Variants in SPON1 observed in about 807,000 individuals in gnomAD.
The protein encoded by SPON1 is spondin 1.
Under a neutral mutation model 111.7 loss-of-function variants are expected in SPON1, and 52 were observed. The observed-to-expected ratio is 0.47, with a 90% CI of 0.37 to 0.59. The LOEUF is 0.59. SPON1 is among the 20% of genes least tolerant of loss of function. The probability of loss-of-function intolerance (pLI) is 0.00; values close to 1 mark genes in which losing one functional copy is unlikely to be tolerated. For synonymous variants in SPON1, 410 were observed against 395.8 expected, an observed-to-expected ratio of 1.04 and a Z score of -0.43; for missense variants, 957 against 1,068.5, an observed-to-expected ratio of 0.90 and a Z score of 1.46.
At chr11:14,055,250 T>C (rs1171797984) in intron 3 of SPON1, among the ~76,000 whole-genome samples, 2 of 152,186 alleles carry the variant, frequency 1.3e-5, no homozygotes, top group Non-Finnish European at 2.9e-5. Flanking sequence ...GCCTTCTTCA[T>C]CAGTCAACAT....
At chr11:14,187,198 C>T (rs1229645997) in intron 6 of SPON1, among the ~76,000 whole-genome samples, 16 of 152,158 alleles carry the variant, frequency 1.1e-4, no homozygotes, top group African/African-American at 3.9e-4. Flanking sequence ...GGTGAGAACT[C>T]ACTCATTACC....
chr11:14,077,794 C>T (rs1441343280), intron 4 of SPON1, among the ~76,000 whole-genome samples: 1 of 149,070 alleles, frequency 6.7e-6, no homozygotes, highest in African/African-American at 2.5e-5. Flanking sequence ...CCTGCATACA[C>T]ATACTTTAAT....
intron 3 of SPON1, among the ~76,000 whole-genome samples, chr11:14,067,458 G>A (rs1848841579): frequency 6.6e-6 from 1 of 152,334 alleles, no homozygotes; most frequent in East Asian, 1.9e-4. Context: ...GCTAAATGAT[G>A]TCAAGGCCAG....
chr11:14,179,670 C>T (rs1848217545), intron 6 of SPON1, among the ~76,000 whole-genome samples: 1 of 152,090 alleles, frequency 6.6e-6, no homozygotes, highest in African/African-American at 2.4e-5. Context: ...TTAACATTCT[C>T]CTATGTTATT....
chr11:13,981,313 G>C (rs535209464), intron 1 of SPON1, among the ~76,000 whole-genome samples: 2 of 152,222 alleles, frequency 1.3e-5, no homozygotes, highest in African/African-American at 4.8e-5. Flanking sequence ...CCTTGAGCTA[G>C]ATTTTTTTTG....
chr11:14,166,190 A>G (rs1183830980), intron 6 of SPON1, among the ~76,000 whole-genome samples: 5 of 152,238 alleles, frequency 3.3e-5, no homozygotes, highest in African/African-American at 1.2e-4. Context: ...AAGCCTTGGT[A>G]AAATAACCAG....
At chr11:14,171,072 C>T (rs1338501286) in intron 6 of SPON1, among the ~76,000 whole-genome samples, 3 of 152,190 alleles carry the variant, frequency 2.0e-5, no homozygotes, top group African/African-American at 7.2e-5. Flanking sequence ...AGGAATGGTA[C>T]CAGCTCCTCC....
At chr11:14,091,700 C>G (rs1554923413) in intron 5 of SPON1, among the ~76,000 whole-genome samples, 1 of 152,096 alleles carries the variant, frequency 6.6e-6, no homozygotes, top group Non-Finnish European at 1.5e-5. Context: ...GGTTCTCGCT[C>G]GCACCTTTCC....
At chr11:14,084,358 C>T (rs1270760236) in intron 5 of SPON1, among the ~76,000 whole-genome samples, 8 of 152,118 alleles carry the variant, frequency 5.3e-5, no homozygotes, top group African/African-American at 1.9e-4. Flanking sequence ...TCCATGTGTT[C>T]TCATTGTTCA....
chr11:14,094,567 T>C (rs2133840315), intron 5 of SPON1, among the ~76,000 whole-genome samples: 1 of 152,356 alleles, frequency 6.6e-6, no homozygotes, highest in Non-Finnish European at 1.5e-5. Flanking sequence ...ATGTTTATTG[T>C]CCTTTGCCTT....
chr11:13,983,885 G>A (rs1021969988), intron 2 of SPON1, among the ~76,000 whole-genome samples: 11 of 152,174 alleles, frequency 7.2e-5, no homozygotes, highest in African/African-American at 1.7e-4. Context: ...TGTGGGCTCC[G>A]TGGAGGACCC....
chr11:14,089,343 A>C (rs376880096), intron 5 of SPON1, among the ~76,000 whole-genome samples: 2 of 151,782 alleles, frequency 1.3e-5, no homozygotes, highest in African/African-American at 4.8e-5. Flanking sequence ...GTTGATGTTG[A>C]TGTTATTGCT....
At chr11:14,170,848 T>C (rs1262190376) in intron 6 of SPON1, among the ~76,000 whole-genome samples, 1 of 152,198 alleles carries the variant, frequency 6.6e-6, no homozygotes, top group Admixed American at 6.5e-5. Flanking sequence ...TGAAGCCCAC[T>C]TGATCATGGT....
rs112809082 is a variant in SPON1, at chr11:14,244,834, C to T, written c.890+1438C>T. Among the ~76,000 whole-genome samples, 585 of 152,368 alleles carry T rather than the reference C, an allele frequency of 3.8e-3. 6 individuals are homozygous for T. The highest frequency in any genetic ancestry group is 0.013 in the African/African-American group (558 of 41,582). ...TCGCTTAGTCTCAAGATCAAGTCCA[C>T]ACTCCTTAGTTTAGCGTGCGCAGGT... On this transcript the variant is annotated intron_variant, in intron 7 of 15. Transcript: ENST00000576479.
intron 6 of SPON1, chr11:14,224,851 T>C (rs1564935038): frequency 5.8e-6 from 2 of 345,680 alleles, no homozygotes; most frequent in Non-Finnish European, 1.2e-5. Flanking sequence ...AAAGGAAGAA[T>C]TTCAAGAGTG....
intron 3 of SPON1, among the ~76,000 whole-genome samples, chr11:14,049,383 C>T (rs1441177780): frequency 2.6e-5 from 4 of 152,204 alleles, no homozygotes; most frequent in African/African-American, 4.8e-5. Flanking sequence ...GTCCTCCTCA[C>T]GCTGGTATAA....
chr11:14,189,334 C>T (rs887413797), intron 6 of SPON1, among the ~76,000 whole-genome samples: 2 of 152,224 alleles, frequency 1.3e-5, no homozygotes, highest in African/African-American at 4.8e-5. Context: ...CACCTCCCAC[C>T]TCTGATGTCC....
intron 5 of SPON1, among the ~76,000 whole-genome samples, chr11:14,115,797 G>T (rs1290500738): frequency 6.6e-6 from 1 of 152,012 alleles, no homozygotes; most frequent in African/African-American, 2.4e-5. Flanking sequence ...GATACTAGAT[G>T]TGGAATTGCT....
intron 3 of SPON1, among the ~76,000 whole-genome samples, chr11:14,071,732 G>A (rs1239054633): frequency 1.3e-5 from 2 of 150,880 alleles, no homozygotes; most frequent in African/African-American, 4.8e-5. Flanking sequence ...TTTTTTTTGA[G>A]ACGGAGTCTC....
Sources: allele counts gnomAD v4.1 joint callset (sites outside exome capture counted in the v4.1 genomes callset), GRCh38; gene constraint gnomAD v4.1.1; transcripts MANE v1.5; gene names NCBI Gene and HGNC (gene_info 2026-07-23, HGNC 2026-07-21).